Variants in ALPL observed in about 807,000 individuals in gnomAD.
The protein encoded by ALPL is alkaline phosphatase, biomineralization associated.
In ALPL, 42 loss-of-function variants were observed where a neutral mutation model predicts 51.3. That is an observed-to-expected ratio of 0.82 (90% CI 0.64 to 1.06). The LOEUF (loss-of-function observed/expected upper bound fraction) is 1.06, where lower values mean the gene tolerates loss of function less well. Ranked by LOEUF, ALPL falls within the 50% of genes least tolerant of loss-of-function variation. ALPL has a pLI of 0.00. For synonymous variants in ALPL, 279 were observed against 296.4 expected, an observed-to-expected ratio of 0.94 and a Z score of 0.60; for missense variants, 589 against 709.4, an observed-to-expected ratio of 0.83 and a Z score of 1.93.
chr1:21,545,620 G>A (rs1272326170), intron 1 of ALPL, among the ~76,000 whole-genome samples: 1 of 151,786 alleles, frequency 6.6e-6, no homozygotes, highest in Non-Finnish European at 1.5e-5. Context: ...CCAATCAAAT[G>A]TCGCCAACTG....
chr1:21,557,160 C>T (rs570421484), intron 2 of ALPL, among the ~76,000 whole-genome samples: 19 of 152,266 alleles, frequency 1.2e-4, no homozygotes, highest in Middle Eastern at 3.4e-3. Context: ...GAGCCTTCCT[C>T]GGCTCAGTCC....
chr1:21,512,263 G>A (rs1435908819), intron 1 of ALPL, among the ~76,000 whole-genome samples: 1 of 152,134 alleles, frequency 6.6e-6, no homozygotes, highest in Non-Finnish European at 1.5e-5. Flanking sequence ...GCAGTTAGGG[G>A]CAGTAGACTG....
At chr1:21,533,417 TAC>T (rs1353041236) in intron 1 of ALPL, among the ~76,000 whole-genome samples, 1 of 152,224 alleles carries the variant, frequency 6.6e-6, no homozygotes, top group Non-Finnish European at 1.5e-5. Flanking sequence ...GCTTTCCAAA[TAC>T]ACTCTCTGTT....
At position 21,563,267 on chromosome 1, in the gene ALPL, G is replaced by C; in HGVS notation, c.455G>C (p.Arg152Pro). 6 of 1,612,314 alleles carry C rather than the reference G, an allele frequency of 3.7e-6. No homozygotes were observed. The highest frequency in any genetic ancestry group is 5.1e-6 in the Non-Finnish European group (6 of 1,179,080). Residue 152 changes from arginine to proline, a missense_variant, in exon 5 of 12, where the codon CGC becomes CCC. Transcript: ENST00000374840. ...GGGAACGAGGTCACCTCCATCCTGC[G>C]CTGGGCCAAGGACGCTGGTGAGTCG... ...TQGNEVTSILRWAKDAGKSVG... is the reference protein window; with the variant it reads ...TQGNEVTSILPWAKDAGKSVG...
At chr1:21,545,650 A>T (rs1644245613) in intron 1 of ALPL, among the ~76,000 whole-genome samples, 1 of 152,050 alleles carries the variant, frequency 6.6e-6, no homozygotes, top group South Asian at 2.1e-4. Context: ...TGTTCAAATG[A>T]CAAGTGCTAA....
chr1:21,530,954 ATTTTT>A (rs34079543), intron 1 of ALPL, among the ~76,000 whole-genome samples: 48 of 103,974 alleles, frequency 4.6e-4, no homozygotes, highest in East Asian at 2.2e-3. Context: ...ATCATTTTTG[ATTTTT>A]TTTTTTTTTT....
At chr1:21,573,589 C>T in intron 8 of ALPL, 76 bp from the exon 9 acceptor site, 3 of 1,578,370 alleles carry the variant, frequency 1.9e-6, no homozygotes, top group Non-Finnish European at 1.7e-6. Flanking sequence ...TTCCCTGAGA[C>T]ACCCCAGCTT....
rs1347933667 is a variant in ALPL at position 21,577,585 on chromosome 1, C to G, written c.1512C>G (p.Gly504=). 1.9e-6 allele frequency: 3 copies of G among 1,602,248 alleles called. No individual in the cohort carries two copies. Among genetic ancestry groups the G allele is most frequent in the Non-Finnish European group, 2.5e-6 (3 of 1,179,760 alleles). ...LGHCAPASSA[G]SLAAGPLLLA... is the part of the protein sequence containing the mutation. ...ACTGTGCTCCTGCCAGCTCGGCAGGCAGCCTTGCTGCAGGCCCCCTGCTGC... is the reference window on the plus strand; with the variant it reads ...ACTGTGCTCCTGCCAGCTCGGCAGGGAGCCTTGCTGCAGGCCCCCTGCTGC... Residue 504 remains glycine (G), a synonymous_variant, in exon 12 of 12, where the codon GGC becomes GGG. Transcript: ENST00000374840.
Position 21,577,790 on chromosome 1 carries a change from C to A in ALPL, c.*142C>A. ...GGGGACCCAAGAAACCAAAGTCTGC[C>A]GCCCACCTCGCTCCCCTCTGGAATC... On this transcript the variant is annotated 3_prime_UTR_variant, in exon 12 of 12. Transcript: ENST00000374840. 9.1e-7 allele frequency: 1 copy of A among 1,104,548 alleles called. No homozygotes were observed. Among genetic ancestry groups the A allele is most frequent in the Non-Finnish European group, 1.3e-6 (1 of 788,306 alleles). The allele number at this position is 1,104,548 out of a possible 1,614,324, so 68.4% of individuals were successfully genotyped here.
At chr1:21,568,647 T>G (rs969664565) in intron 7 of ALPL, among the ~76,000 whole-genome samples, 3 of 151,816 alleles carry the variant, frequency 2.0e-5, no homozygotes, top group Admixed American at 6.6e-5. Flanking sequence ...GGGGGACAGA[T>G]GACAGGGAGG....
At position 21,563,218 on chromosome 1, in the gene ALPL, C is replaced by T. The variant is rs747762186; in HGVS notation, c.406C>T (p.Arg136Cys). Residue 136 changes from arginine (R) to cysteine (C), a missense_variant, in exon 5 of 12, where the codon CGT becomes TGT. Arg to Cys is a radical substitution (Grantham distance 180). Transcript: ENST00000374840. Reference sequence around the variant, plus strand: ...CGTGGGGGTAAGCGCAGCCACTGAGCGTTCCCGGTGCAACACCACCCAGGG... The same window carrying T: ...CGTGGGGGTAAGCGCAGCCACTGAGTGTTCCCGGTGCAACACCACCCAGGG... Reference protein sequence around the residue: ...GTVGVSAATERSRCNTTQGNE... With the variant: ...GTVGVSAATECSRCNTTQGNE... The T allele has an allele frequency of 2.5e-6, 4 of 1,613,930 alleles. No homozygotes were observed. The highest frequency in any genetic ancestry group is 1.7e-5 in the Admixed American group (1 of 60,024).
intron 1 of ALPL, among the ~76,000 whole-genome samples, chr1:21,514,679 G>A (rs182766393): frequency 1.3e-5 from 2 of 152,284 alleles, no homozygotes; most frequent in East Asian, 3.9e-4. Flanking sequence ...GTTATGAGAT[G>A]GACAAGGGAG....
intron 1 of ALPL, among the ~76,000 whole-genome samples, chr1:21,543,646 G>A (rs1393314040): frequency 6.6e-6 from 1 of 152,142 alleles, no homozygotes; most frequent in Non-Finnish European, 1.5e-5. Context: ...GCACCGCCTA[G>A]TCAATCCTCC....
chr1:21,576,993 TTGGCCCTA>T (rs1644746381), intron 11 of ALPL, among the ~76,000 whole-genome samples: 1 of 152,204 alleles, frequency 6.6e-6, no homozygotes, highest in African/African-American at 2.4e-5. Context: ...CTCATTTTTC[TTGGCCCTA>T]TAATATTCCA....
intron 1 of ALPL, among the ~76,000 whole-genome samples, chr1:21,545,447 T>C (rs1644242152): frequency 6.6e-6 from 1 of 152,114 alleles, no homozygotes; most frequent in African/African-American, 2.4e-5. Flanking sequence ...CCTGCCACCA[T>C]GCCCAGCTAA....
intron 3 of ALPL, 29 bp from the exon 4 acceptor site, chr1:21,561,068 G>A (rs763623144): frequency 2.5e-6 from 4 of 1,574,658 alleles, no homozygotes; most frequent in Non-Finnish European, 3.5e-6. Flanking sequence ...AGGAGCACGA[G>A]AGACTGAGGC....
intron 9 of ALPL, chr1:21,574,213 C>A (rs993893380): frequency 1.0e-6 from 1 of 985,302 alleles, no homozygotes; most frequent in Non-Finnish European, 1.2e-6. Flanking sequence ...TGCAGACAGA[C>A]CTGAATTCTT....
intron 8 of ALPL, among the ~76,000 whole-genome samples, chr1:21,573,200 G>A (rs1287549442): frequency 2.0e-5 from 3 of 152,214 alleles, no homozygotes; most frequent in Non-Finnish European, 4.4e-5. Context: ...TTGGGAGGCC[G>A]AGGTGGGCGG....
At position 21,544,753 on chromosome 1, in the gene ALPL, A is replaced by G. The variant is rs546642530; in HGVS notation, c.-104-9225A>G. Among the ~76,000 whole-genome samples, 10 of 152,314 alleles carry G rather than the reference A, an allele frequency of 6.6e-5. No homozygotes were observed. In the South Asian group the frequency reaches 2.1e-3, roughly 32 times the overall value. The stretch of plus-strand genomic sequence containing the variant: ...AAAGTGAAACTGTCTCAAAACAAAA[A>G]CAAAATTATGAGAGGCTGTTGTTTT... On this transcript the variant is annotated intron_variant, in intron 1 of 11. Transcript: ENST00000374840.
Sources: allele counts gnomAD v4.1 joint callset (sites outside exome capture counted in the v4.1 genomes callset), GRCh38; gene constraint gnomAD v4.1.1; transcripts MANE v1.5; gene names NCBI Gene and HGNC (gene_info 2026-07-23, HGNC 2026-07-21).